The following PCYOX1L variants were observed in gnomAD, a reference collection of about 807,000 sequenced individuals.
PCYOX1L encodes prenylcysteine oxidase 1 like.
A neutral mutation model predicts 44.1 loss-of-function variants in PCYOX1L; 40 were observed. The ratio of observed to expected loss-of-function variants is 0.91; its 90% CI spans 0.70 to 1.18. PCYOX1L has a LOEUF of 1.18. Ranked by LOEUF, PCYOX1L falls within the 50% of genes most tolerant of loss-of-function variation. The pLI, the probability that PCYOX1L is intolerant of heterozygous loss-of-function variation, is 0.00. For synonymous variants in PCYOX1L, 266 were observed against 282.8 expected (o/e 0.94, Z 0.60); for missense variants, 605 against 653.3 (o/e 0.93, Z 0.81).
Position 149,368,714 on chromosome 5 carries a change from A to C in PCYOX1L, c.*60A>C. ...CACTGAAGATGGATCATCCCACAGC[A>C]GCCCAGGACTGAATAAGCCATGCTC... On this transcript the variant is annotated 3_prime_UTR_variant, in exon 6 of 6. Transcript: ENST00000274569. 1 of 1,456,546 alleles carries C rather than the reference A, an allele frequency of 6.9e-7. No homozygotes were observed. Among genetic ancestry groups the C allele is most frequent in the Non-Finnish European group, 9.1e-7 (1 of 1,100,674 alleles). 90.2% of individuals were successfully genotyped at this position (1,456,546 alleles called of 1,614,324 possible).
At chr5:149,359,645 G>T (rs1259632693) in intron 1 of PCYOX1L, among the ~76,000 whole-genome samples, 1 of 152,214 alleles carries the variant, frequency 6.6e-6, no homozygotes, top group Non-Finnish European at 1.5e-5. Context: ...GAAGGAGCAG[G>T]ACCTCCACCC....
At chr5:149,362,528 AT>A (rs1163987392) in intron 1 of PCYOX1L, 108 bp from the exon 2 acceptor site, 8 of 1,141,360 alleles carry the variant, frequency 7.0e-6, no homozygotes, top group Non-Finnish European at 1.0e-5. Context: ...AGCCTAGGAA[AT>A]TTAAGCACCT....
Position 149,367,497 on chromosome 5 carries a change from A to T in PCYOX1L, c.820A>T (p.Thr274Ser). 1 of 1,613,264 alleles carries T rather than the reference A, an allele frequency of 6.2e-7. No individual in the cohort carries two copies. The highest frequency in any genetic ancestry group is 8.5e-7 in the Non-Finnish European group (1 of 1,179,654). ...ATVTSVTLHS[T>S]EGKALYQVAY... ...AGTGACCTCTGTGACCCTGCACAGC[A>T]CAGGTGAGTAGACAGGGCGGGAGTG... is the stretch of plus-strand genomic sequence containing the variant. The change falls in exon 5 of 6, where the codon ACA (threonine) becomes TCA (serine). Residue 274 changes from threonine (T) to serine (S), a missense_variant. By Grantham distance (58) the Thr-to-Ser change is moderately conservative. Transcript: ENST00000274569.
At chr5:149,364,402 G>A in intron 3 of PCYOX1L, 192 bp downstream of exon 3, 1 of 611,494 alleles carries the variant, frequency 1.6e-6, no homozygotes, top group Non-Finnish European at 2.8e-6. Flanking sequence ...GGTCTCCCTA[G>A]TATTGTCACA....
At chr5:149,365,874 A>G in intron 3 of PCYOX1L, 68 bp from the exon 4 acceptor site, 1 of 1,510,690 alleles carries the variant, frequency 6.6e-7, no homozygotes, top group Non-Finnish European at 9.2e-7. Flanking sequence ...CAGGCACTAT[A>G]ACCCAGGGGC....
Position 149,367,730 on chromosome 5 carries a change from G to A in PCYOX1L, c.823+230G>A, listed in dbSNP as rs564569577. On this transcript the variant is annotated intron_variant, in intron 5 of 5. Coordinates refer to ENST00000274569, the MANE Select transcript of PCYOX1L (RefSeq NM_024028.4). The stretch of plus-strand genomic sequence containing the variant: ...TCGACCCAGCCTTTTTCTGTTGACC[G>A]ATGAGGACTTTGAATGACATCCTTG... 3.3e-4 allele frequency among the ~76,000 whole-genome samples: 50 copies of A among 152,312 alleles called. No homozygotes were observed. In the South Asian group the frequency reaches 5.0e-3, roughly 15 times the overall value.
chr5:149,362,844 G>A lies in PCYOX1L; in HGVS notation c.295+1G>A. The A allele has an allele frequency of 1.9e-6, 3 of 1,613,646 alleles. No individual in the cohort carries two copies. Among genetic ancestry groups the A allele is most frequent in the Non-Finnish European group, 2.5e-6 (3 of 1,180,034 alleles). On this transcript the variant is annotated splice_donor_variant, in intron 2 of 5. Transcript: ENST00000274569. LOFTEE classifies it high-confidence loss of function. ...ATGCAGGACTTCGTCAAGCTGCTGG[G>A]TGAGTGGTCAGTCCTGGGGCTCCAG...
At chr5:149,361,908 C>CGTGAGCCACCGCGTGATTACAGGT in intron 1 of PCYOX1L, 1 of 152,400 alleles carries the variant, frequency 6.6e-6, no homozygotes, top group Admixed American at 6.5e-5. Flanking sequence ...TGATTACAGG[C>CGTGAGCCACCGCGTGATTACAGGT]GTGAGCCACC....
chr5:149,368,680 T>C lies in PCYOX1L; in HGVS notation c.*26T>C, dbSNP rs1758323150. ...GGGCTCTAGGGAGAGCCTGGGAACTTTCATCCCCCACTGAAGATGGATCAT... is the reference window on the plus strand; with the variant it reads ...GGGCTCTAGGGAGAGCCTGGGAACTCTCATCCCCCACTGAAGATGGATCAT... On this transcript the variant is annotated 3_prime_UTR_variant, in exon 6 of 6. Coordinates refer to ENST00000274569, the MANE Select transcript of PCYOX1L (RefSeq NM_024028.4). The C allele has an allele frequency of 6.7e-7, 1 of 1,497,690 alleles. No individual in the cohort carries two copies. Among genetic ancestry groups the C allele is most frequent in the East Asian group, 2.3e-5 (1 of 43,912 alleles). The allele number at this position is 1,497,690 out of a possible 1,614,324, so 92.8% of individuals were successfully genotyped here.
chr5:149,364,562 G>T (rs902182440), intron 3 of PCYOX1L: 5 of 200,984 alleles, frequency 2.5e-5, no homozygotes, highest in African/African-American at 1.1e-4. Flanking sequence ...GAAGGAGGCA[G>T]CCAGCCCTCC....
intron 2 of PCYOX1L, chr5:149,363,617 A>G: frequency 4.4e-6 from 1 of 227,488 alleles, no homozygotes. Flanking sequence ...TGGGGAAGGA[A>G]CAAGTCATAG....
intron 1 of PCYOX1L, among the ~76,000 whole-genome samples, chr5:149,361,840 C>T (rs1758018695): frequency 6.6e-6 from 1 of 152,196 alleles, no homozygotes. Flanking sequence ...GTTTGTCAGG[C>T]TGGTCTCGAA....
intron 3 of PCYOX1L, 92 bp from the exon 4 acceptor site, chr5:149,365,850 C>A: frequency 8.5e-7 from 1 of 1,175,860 alleles, no homozygotes; most frequent in Non-Finnish European, 1.2e-6. Flanking sequence ...GTGATGGGTT[C>A]CTGGTGGGCC....
Position 149,367,425 on chromosome 5 carries a change from T to C in PCYOX1L, c.748T>C (p.Cys250Arg). The part of the protein sequence containing the change: ...WSVEGGNKLV[C>R]SGLLKLTKAN... The stretch of plus-strand genomic sequence containing the variant: ...TGTGGAAGGAGGCAATAAGCTGGTT[T>C]GTTCCGGTTTGCTGAAGCTCACCAA... The change falls in exon 5 of 6, where the codon TGT (cysteine) becomes CGT (arginine). Residue 250 changes from cysteine to arginine, a missense_variant. Cys to Arg is a radical substitution (Grantham distance 180). Transcript: ENST00000274569. 6.2e-7 allele frequency: 1 copy of C among 1,613,972 alleles called. No homozygotes were observed. Among genetic ancestry groups the C allele is most frequent in the Non-Finnish European group, 8.5e-7 (1 of 1,179,926 alleles).
At chr5:149,362,423 G>T in intron 1 of PCYOX1L, 1 of 549,744 alleles carries the variant, frequency 1.8e-6, no homozygotes. Flanking sequence ...TTTATGAAAC[G>T]AAAGTATAGT....
At chr5:149,358,742 AT>A (rs1214807246) in intron 1 of PCYOX1L, among the ~76,000 whole-genome samples, 6 of 152,200 alleles carry the variant, frequency 3.9e-5, no homozygotes, top group Admixed American at 2.6e-4. Flanking sequence ...TCCGCTGGAG[AT>A]TTGCTGACAG....
intron 1 of PCYOX1L, among the ~76,000 whole-genome samples, chr5:149,358,452 C>T (rs1268474368): frequency 6.6e-6 from 1 of 152,172 alleles, no homozygotes; most frequent in African/African-American, 2.4e-5. Context: ...TGGCTGTTGG[C>T]TAGGCGCCCG....
Position 149,368,322 on chromosome 5 carries a change from C to T in PCYOX1L, c.1153C>T (p.Arg385Ter), listed in dbSNP as rs779313898. Residue 385 changes from arginine to a stop codon, truncating the protein, a stop_gained, in exon 6 of 6, where the codon CGA becomes TGA. Transcript: ENST00000274569. LOFTEE classifies it high-confidence loss of function. ...TGTCAACATCTCTGCCAGCTTCCGGCGAAAGCAGCCCCAGGAGGCAGCTGT... is the reference window on the plus strand; with the variant it reads ...TGTCAACATCTCTGCCAGCTTCCGGTGAAAGCAGCCCCAGGAGGCAGCTGT... Reference protein sequence around the residue: ...CPVNISASFRRKQPQEAAVWR... With the variant: ...CPVNISASFR 23 of 1,614,086 alleles carry T rather than the reference C, an allele frequency of 1.4e-5. No homozygotes were observed. The highest frequency in any genetic ancestry group is 2.2e-5 in the South Asian group (2 of 91,090).
intron 3 of PCYOX1L, 163 bp downstream of exon 3, chr5:149,364,373 C>T (rs964522610): frequency 1.3e-6 from 1 of 783,512 alleles, no homozygotes; most frequent in African/African-American, 1.7e-5. Flanking sequence ...TGAGGAATGG[C>T]CGTATTTGGT....
Sources: allele counts gnomAD v4.1 joint callset (sites outside exome capture counted in the v4.1 genomes callset), GRCh38; gene constraint gnomAD v4.1.1; transcripts MANE v1.5; gene names NCBI Gene and HGNC (gene_info 2026-07-23, HGNC 2026-07-21).